RSPO3: variants seen among roughly 807,000 people sequenced by gnomAD.
RSPO3 encodes R-spondin-3.
In RSPO3, 17 loss-of-function variants were observed where a neutral mutation model predicts 36.5. The ratio of observed to expected loss-of-function variants is 0.47; its 90% CI spans 0.32 to 0.70. RSPO3 has a LOEUF of 0.70. RSPO3 is among the 30% of genes least tolerant of loss of function. RSPO3 has a pLI of 0.04. For missense variants in RSPO3, 294 were observed against 322.5 expected, an observed-to-expected ratio of 0.91 and a Z score of 0.68; for synonymous variants, 108 against 107.0, an observed-to-expected ratio of 1.01 and a Z score of -0.06.
At chr6:127,172,736 TA>T (rs1774965654) in intron 4 of RSPO3, among the ~76,000 whole-genome samples, 1 of 151,830 alleles carries the variant, frequency 6.6e-6, no homozygotes, top group African/African-American at 2.4e-5. Context: ...TTATCTCATT[TA>T]AAATTCTTTA....
intron 4 of RSPO3, among the ~76,000 whole-genome samples, chr6:127,163,466 C>T (rs1198084477): frequency 2.0e-5 from 3 of 152,038 alleles, no homozygotes; most frequent in Admixed American, 6.6e-5. Context: ...TATCCTTGGG[C>T]CTCTCAAGAG....
intron 2 of RSPO3, among the ~76,000 whole-genome samples, chr6:127,150,168 T>G (rs965721192): frequency 1.4e-5 from 2 of 139,952 alleles, no homozygotes; most frequent in South Asian, 2.4e-4. Flanking sequence ...TTCTTGGAGA[T>G]ATATATATAT....
chr6:127,148,965 T>C, intron 2 of RSPO3, 126 bp downstream of exon 2: 1 of 777,074 alleles, frequency 1.3e-6, no homozygotes, highest in South Asian at 2.4e-5. Context: ...ATAATTAGGC[T>C]AAACCATACT....
chr6:127,173,800 G>A (rs1014874394), intron 4 of RSPO3, among the ~76,000 whole-genome samples: 35 of 151,856 alleles, frequency 2.3e-4, no homozygotes, highest in African/African-American at 7.7e-4. Context: ...AAAAATACAT[G>A]CTGCTCCCAA....
chr6:127,149,432 A>T (rs1181134825), intron 2 of RSPO3, among the ~76,000 whole-genome samples: 1 of 151,984 alleles, frequency 6.6e-6, no homozygotes, highest in Admixed American at 6.6e-5. Flanking sequence ...CCCTTCTCAT[A>T]AGATCTTCCC....
Position 127,193,336 on chromosome 6 carries a change from T to A in RSPO3, c.635-2487T>A, listed in dbSNP as rs558411678. ...TTGTCACAAGTGGCTAAAAAACATATAAATCAATCTGTGACCAAGGAAGAA... is the reference window on the plus strand; with the variant it reads ...TTGTCACAAGTGGCTAAAAAACATAAAAATCAATCTGTGACCAAGGAAGAA... On this transcript the variant is annotated intron_variant, in intron 4 of 4. Coordinates refer to ENST00000356698, the MANE Select transcript of RSPO3 (RefSeq NM_032784.5). 1.5e-4 allele frequency among the ~76,000 whole-genome samples: 23 copies of A among 152,298 alleles called. 2 individuals carry two copies. The South Asian group carries it at 3.1e-3, about 21-fold the overall frequency.
chr6:127,129,480 C>G (rs1323488576), intron 1 of RSPO3, among the ~76,000 whole-genome samples: 1 of 151,894 alleles, frequency 6.6e-6, no homozygotes, highest in Non-Finnish European at 1.5e-5. Context: ...ACCGCAGTTG[C>G]CAAAAGTAAT....
chr6:127,123,347 GT>G (rs989539321), intron 1 of RSPO3, among the ~76,000 whole-genome samples: 8 of 152,234 alleles, frequency 5.3e-5, no homozygotes, highest in African/African-American at 1.9e-4. Context: ...TTTCTCACCA[GT>G]CTGCCTTATT....
intron 4 of RSPO3, among the ~76,000 whole-genome samples, chr6:127,176,236 ACC>A (rs1775053746): frequency 6.6e-6 from 1 of 151,772 alleles, no homozygotes; most frequent in African/African-American, 2.4e-5. Flanking sequence ...AATGAAAACC[ACC>A]CAAGAGGAGC....
chr6:127,121,751 C>T (rs1470197812), intron 1 of RSPO3, among the ~76,000 whole-genome samples: 1 of 152,116 alleles, frequency 6.6e-6, no homozygotes, highest in Non-Finnish European at 1.5e-5. Context: ...GGGAAAAAAA[C>T]GAACAAAAAG....
chr6:127,121,687 G>A (rs1773849432), intron 1 of RSPO3, among the ~76,000 whole-genome samples: 1 of 152,138 alleles, frequency 6.6e-6, no homozygotes. Flanking sequence ...AGAAACTCAA[G>A]GTCAAACTGC....
rs1774571829 is a variant in RSPO3 at position 127,155,349 on chromosome 6, A to G, written c.545A>G (p.His182Arg). The G allele has an allele frequency of 6.2e-7, 1 of 1,613,922 alleles. No individual in the cohort carries two copies. Among genetic ancestry groups the G allele is most frequent in the Non-Finnish European group, 8.5e-7 (1 of 1,179,902 alleles). The part of the protein sequence containing the change: ...TETRVREIIQ[H>R]PSAKGNLCPP... ...ACACGGGTCCGAGAAATAATACAGC[A>G]TCCTTCAGCAAAGGGTAACCTGTGT... Residue 182 changes from histidine to arginine, a missense_variant, in exon 4 of 5, where the codon CAT (histidine) becomes CGT (arginine). This residue lies in a region of RSPO3 where 190 missense variants were observed against 185.2 expected (regional missense o/e 1.03). Coordinates refer to ENST00000356698, the MANE Select transcript of RSPO3 (RefSeq NM_032784.5).
intron 3 of RSPO3, among the ~76,000 whole-genome samples, chr6:127,153,339 T>C (rs1031217244): frequency 2.6e-5 from 4 of 152,086 alleles, no homozygotes; most frequent in Non-Finnish European, 5.9e-5. Flanking sequence ...AGCACTTTTT[T>C]TTTTCAGTTT....
intron 4 of RSPO3, among the ~76,000 whole-genome samples, chr6:127,190,545 G>A (rs532638812): frequency 1.3e-5 from 2 of 152,012 alleles, no homozygotes; most frequent in Non-Finnish European, 2.9e-5. Flanking sequence ...TTTTCACACT[G>A]TGAGTGCTTT....
At chr6:127,128,995 CTG>C (rs1274339398) in intron 1 of RSPO3, among the ~76,000 whole-genome samples, 5 of 152,028 alleles carry the variant, frequency 3.3e-5, no homozygotes, top group Admixed American at 1.3e-4. Flanking sequence ...TAATAAACAA[CTG>C]TTTTTATGTC....
intron 4 of RSPO3, among the ~76,000 whole-genome samples, chr6:127,186,884 T>C (rs1775305490): frequency 6.6e-6 from 1 of 152,154 alleles, no homozygotes; most frequent in Non-Finnish European, 1.5e-5. Flanking sequence ...AATAATTTTA[T>C]AGGAAGACTT....
At chr6:127,178,643 TA>T (rs1775116600) in intron 4 of RSPO3, among the ~76,000 whole-genome samples, 2 of 151,820 alleles carry the variant, frequency 1.3e-5, no homozygotes, top group African/African-American at 4.8e-5. Context: ...AATATGTGTA[TA>T]TAAAATATAT....
chr6:127,157,913 A>T (rs1392939551), intron 4 of RSPO3, among the ~76,000 whole-genome samples: 1 of 151,842 alleles, frequency 6.6e-6, no homozygotes, highest in Non-Finnish European at 1.5e-5. Context: ...AACCAAATAG[A>T]AAAGTAATAG....
At chr6:127,152,126 C>T (rs1774502209) in intron 3 of RSPO3, among the ~76,000 whole-genome samples, 2 of 152,164 alleles carry the variant, frequency 1.3e-5, no homozygotes, top group South Asian at 4.1e-4. Context: ...TTAAAGCTTA[C>T]TGGTAATTTA....
Sources: allele counts gnomAD v4.1 joint callset (sites outside exome capture counted in the v4.1 genomes callset), GRCh38; gene constraint gnomAD v4.1.1; regional missense constraint gnomAD v4.1.1; transcripts MANE v1.5; gene names NCBI Gene and HGNC (gene_info 2026-07-23, HGNC 2026-07-21).